DHX16: variants seen among roughly 807,000 people sequenced by gnomAD.
DHX16 encodes the protein pre-mRNA-splicing factor ATP-dependent RNA helicase DHX16.
In DHX16, 81 loss-of-function variants were observed where a neutral mutation model predicts 131.2. That is an observed-to-expected ratio of 0.62 (90% CI 0.52 to 0.74). DHX16 has a LOEUF of 0.74. DHX16 is among the 30% of genes least tolerant of loss of function. DHX16 has a pLI of 0.00. For synonymous variants in DHX16, 440 were observed against 520.2 expected, an observed-to-expected ratio of 0.85 and a Z score of 2.10; for missense variants, 980 against 1,363.1, an observed-to-expected ratio of 0.72 and a Z score of 4.43.
chr6:30,662,546 G>T lies in DHX16; in HGVS notation c.1544+81C>A. 1.6e-6 allele frequency: 2 copies of T among 1,215,994 alleles called. No individual in the cohort carries two copies. Among genetic ancestry groups the T allele is most frequent in the Non-Finnish European group, 2.4e-6 (2 of 832,144 alleles). 75.3% of individuals were successfully genotyped at this position (1,215,994 alleles called of 1,614,324 possible). ...GACCATTTGAACCACAAAGATTCAA[G>T]AACGGGTGGATTAATCAGAAGACAA... On this transcript the variant is annotated intron_variant, in intron 9 of 19. Transcript: ENST00000376442. The surrounding 1 kb of genome is among the most constrained non-coding windows in gnomAD (Gnocchi z 4.7).
chr6:30,670,610 A>C lies in DHX16; in HGVS notation c.610-144T>G, dbSNP rs983420275. ...CTCAGTGAGGAATCTCTCTGATTGC[A>C]GGTACAGCAGACAGTTGTCTTAGCC... On this transcript the variant is annotated intron_variant, in intron 3 of 19. Coordinates refer to ENST00000376442, the MANE Select transcript of DHX16 (RefSeq NM_003587.5). This position sits in a 1 kb window ranked among gnomAD's most constrained non-coding sequence, Gnocchi z 4.4. The C allele has an allele frequency of 2.9e-5, 35 of 1,195,670 alleles. No homozygotes were observed. In the East Asian group the frequency reaches 8.7e-4, roughly 30 times the overall value. 74.1% of individuals were successfully genotyped at this position (1,195,670 alleles called of 1,614,324 possible).
At chr6:30,658,542 CA>C (rs538072025) in intron 12 of DHX16, among the ~76,000 whole-genome samples, 11,815 of 82,068 alleles carry the variant, frequency 0.14, 646 homozygotes, top group Non-Finnish European at 0.21. Context: ...GACTCCATCT[CA>C]AAAAAAAAAA....
chr6:30,667,100 G>GA (rs1472260665), intron 4 of DHX16, among the ~76,000 whole-genome samples: 1 of 151,812 alleles, frequency 6.6e-6, no homozygotes, highest in Admixed American at 6.6e-5. Flanking sequence ...AAAAACAAGG[G>GA]AAAAAAATCT....
chr6:30,660,532 C>T (rs1193661675), intron 9 of DHX16: 2 of 358,048 alleles, frequency 5.6e-6, no homozygotes, highest in Non-Finnish European at 1.0e-5. Flanking sequence ...CCCTCTAGTT[C>T]AGTCAAGAGT....
Position 30,653,308 on chromosome 6 carries a change from C to G in DHX16, c.3060G>C (p.Glu1020Asp). The change falls in exon 20 of 20, where the codon GAG becomes GAC. Residue 1020 changes from glutamate to aspartate, a missense_variant. Physicochemically the swap from Glu to Asp is conservative, Grantham distance 45 (BLOSUM62 2). Coordinates refer to ENST00000376442, the MANE Select transcript of DHX16 (RefSeq NM_003587.5). The stretch of plus-strand genomic sequence containing the variant: ...TTTTCTTAGCATGGGGATCTTCTAG[C>G]TCCTTGGCCTTATAATAATGGGGAG... Reference protein sequence around the residue: ...EVAPHYYKAKELEDPHAKKMP... With the variant: ...EVAPHYYKAKDLEDPHAKKMP... 6.2e-7 allele frequency: 1 copy of G among 1,612,988 alleles called. No homozygotes were observed. Among genetic ancestry groups the G allele is most frequent in the Non-Finnish European group, 8.5e-7 (1 of 1,179,996 alleles).
rs2127586901 is a variant in DHX16 at position 30,662,824 on chromosome 6, C to T, written c.1429-82G>A. 1 of 1,549,946 alleles carries T rather than the reference C, an allele frequency of 6.5e-7. No homozygotes were observed. The highest frequency in any genetic ancestry group is 8.9e-7 in the Non-Finnish European group (1 of 1,124,756). ...TGGGGAAAGGTGAAGTGGGGCAGCA[C>T]CAAGACTTCTGCTGTAGGGACCTGA... On this transcript the variant is annotated intron_variant, in intron 8 of 19. Coordinates refer to ENST00000376442, the MANE Select transcript of DHX16 (RefSeq NM_003587.5). The surrounding 1 kb of genome is among the most constrained non-coding windows in gnomAD (Gnocchi z 4.7).
In DHX16 at chr6:30,665,995, T is replaced by C. The variant is rs922414336; in HGVS notation, c.667-262A>G. On this transcript the variant is annotated intron_variant, in intron 4 of 19. Transcript: ENST00000376442. This position sits in a 1 kb window ranked among gnomAD's most constrained non-coding sequence, Gnocchi z 4.8. ...TCCTCTTAGGCAGCATTATCATCTT[T>C]GTTAATATAGATGCACTAGGGAGAT... is the stretch of plus-strand genomic sequence containing the variant. Among the ~76,000 whole-genome samples, 1 of 152,204 alleles carries C rather than the reference T, an allele frequency of 6.6e-6. No homozygotes were observed. Among genetic ancestry groups the C allele is most frequent in the African/African-American group, 2.4e-5 (1 of 41,464 alleles).
intron 7 of DHX16, among the ~76,000 whole-genome samples, chr6:30,664,276 G>A (rs1246475764): frequency 6.6e-6 from 1 of 151,860 alleles, no homozygotes; most frequent in African/African-American, 2.4e-5. Context: ...TTGAGGTCAG[G>A]AGTTCGAGAG....
chr6:30,670,720 G>A lies in DHX16; in HGVS notation c.609+70C>T, dbSNP rs149351683. ...TGTCTTCCCAGAGATCACTATCTCTGCACTCACAGCCAACCTCAGATTTCA... is the reference window on the plus strand; with the variant it reads ...TGTCTTCCCAGAGATCACTATCTCTACACTCACAGCCAACCTCAGATTTCA... On this transcript the variant is annotated intron_variant, in intron 3 of 19. Coordinates refer to ENST00000376442, the MANE Select transcript of DHX16 (RefSeq NM_003587.5). This position sits in a 1 kb window ranked among gnomAD's most constrained non-coding sequence, Gnocchi z 4.4. 5.8e-3 allele frequency: 9,299 copies of A among 1,590,966 alleles called. 133 individuals carry two copies. Among genetic ancestry groups the A allele is most frequent in the South Asian group, 0.038 (3,409 of 90,034 alleles).
rs374906048 is a variant in DHX16 at position 30,654,919 on chromosome 6, G to A, written c.2824-40C>T. ...GGAAAGAAAATCAATGGAAAAGGCA[G>A]ACATCTGGGGACCCTAAGAATGCAC... On this transcript the variant is annotated intron_variant, in intron 18 of 19. Transcript: ENST00000376442. 223 of 1,581,906 alleles carry A rather than the reference G, an allele frequency of 1.4e-4. 1 individual carries two copies. The highest frequency in any genetic ancestry group is 1.3e-3 in the Middle Eastern group (8 of 5,974).
chr6:30,665,480 T>C lies in DHX16; in HGVS notation c.920A>G (p.Gln307Arg). The change falls in exon 5 of 20, where the codon CAG becomes CGG. Residue 307 changes from glutamine to arginine, a missense_variant and splice_region_variant. Physicochemically the swap from Gln to Arg is conservative, Grantham distance 43. Coordinates refer to ENST00000376442, the MANE Select transcript of DHX16 (RefSeq NM_003587.5). The surrounding 1 kb of genome is among the most constrained non-coding windows in gnomAD (Gnocchi z 4.8). ...RYHMPKETRG[Q>R]PARAVDLVEE... ...GAAGCAGACGCCGCTTCACCTCACC[T>C]GTCCTCGGGTTTCCTTGGGCATGTG... 1 of 1,612,076 alleles carries C rather than the reference T, an allele frequency of 6.2e-7. No individual in the cohort carries two copies. The highest frequency in any genetic ancestry group is 8.5e-7 in the Non-Finnish European group (1 of 1,179,302).
In DHX16 at chr6:30,670,977, T is replaced by C. The variant is rs1393702443; in HGVS notation, c.447-25A>G. 1 of 1,612,960 alleles carries C rather than the reference T, an allele frequency of 6.2e-7. No individual in the cohort carries two copies. Among genetic ancestry groups the C allele is most frequent in the Non-Finnish European group, 8.5e-7 (1 of 1,180,002 alleles). On this transcript the variant is annotated intron_variant, in intron 2 of 19. Coordinates refer to ENST00000376442, the MANE Select transcript of DHX16 (RefSeq NM_003587.5). The surrounding 1 kb of genome is among the most constrained non-coding windows in gnomAD (Gnocchi z 4.4). ...CCTGCAGCCCATCCAGGGGATTAAA[T>C]AAGGGCATAGAGAACACTTCAGCCT...
Position 30,656,989 on chromosome 6 carries a change from G to A in DHX16, c.2111C>T (p.Thr704Ile). Residue 704 changes from threonine to isoleucine, a missense_variant, in exon 13 of 20, where the codon ACA becomes ATA. By Grantham distance (89) the Thr-to-Ile change is moderately conservative. Coordinates refer to ENST00000376442, the MANE Select transcript of DHX16 (RefSeq NM_003587.5). This position sits in a 1 kb window ranked among gnomAD's most constrained non-coding sequence, Gnocchi z 5.1. ...FCKQKSYNPR[T>I]GMESLTVTPC... ...TGTGACAGTGAGCGATTCCATGCCTGTGCGGGGGTTGTAGCTCTTCTGCTT... is the reference window on the plus strand; with the variant it reads ...TGTGACAGTGAGCGATTCCATGCCTATGCGGGGGTTGTAGCTCTTCTGCTT... 6.2e-7 allele frequency: 1 copy of A among 1,613,038 alleles called. No homozygotes were observed. Among genetic ancestry groups the A allele is most frequent in the Non-Finnish European group, 8.5e-7 (1 of 1,180,014 alleles).
Position 30,664,800 on chromosome 6 carries a change from C to T in DHX16, c.1317+1G>A, listed in dbSNP as rs976343430. 1 of 1,609,322 alleles carries T rather than the reference C, an allele frequency of 6.2e-7. No individual in the cohort carries two copies. Among genetic ancestry groups the T allele is most frequent in the Non-Finnish European group, 8.5e-7 (1 of 1,176,970 alleles). On this transcript the variant is annotated splice_donor_variant, in intron 7 of 19. Coordinates refer to ENST00000376442, the MANE Select transcript of DHX16 (RefSeq NM_003587.5). LOFTEE classifies it high-confidence loss of function. The stretch of plus-strand genomic sequence containing the variant: ...CAAGCTGAAGGGTGAGATGACTGTA[C>T]CTCCTCAAAGAGATACTGCGGGATC...
intron 19 of DHX16, 90 bp downstream of exon 19, chr6:30,654,616 C>A: frequency 7.6e-7 from 1 of 1,309,206 alleles, no homozygotes; most frequent in South Asian, 1.5e-5. Flanking sequence ...CTGTACCAGT[C>A]CCAGCAACTT....
chr6:30,653,299 A>G lies in DHX16; in HGVS notation c.3069T>C (p.Asp1023=). The G allele has an allele frequency of 6.2e-7, 1 of 1,612,764 alleles. No homozygotes were observed. The highest frequency in any genetic ancestry group is 8.5e-7 in the Non-Finnish European group (1 of 1,179,986). Residue 1023 remains aspartate, a synonymous_variant, in exon 20 of 20, where the codon GAT becomes GAC. Transcript: ENST00000376442. The part of the protein sequence containing the change: ...PHYYKAKELE[D]PHAKKMPKKI... ...TTTTGGGCATTTTCTTAGCATGGGG[A>G]TCTTCTAGCTCCTTGGCCTTATAAT... is the stretch of plus-strand genomic sequence containing the variant.
At position 30,670,079 on chromosome 6, in the gene DHX16, A is replaced by C. The variant is rs58793483; in HGVS notation, c.666+331T>G. ...CTTGCCCTCCAGCAACCTTCTTGAC[A>C]ACATTCCAGCTGCCTCATATCTCAT... is the stretch of plus-strand genomic sequence containing the variant. On this transcript the variant is annotated intron_variant, in intron 4 of 19. Coordinates refer to ENST00000376442, the MANE Select transcript of DHX16 (RefSeq NM_003587.5). This position sits in a 1 kb window ranked among gnomAD's most constrained non-coding sequence, Gnocchi z 4.4. Among the ~76,000 whole-genome samples, 2,855 of 152,278 alleles carry C rather than the reference A, an allele frequency of 0.019. 78 individuals carry two copies. Among genetic ancestry groups the C allele is most frequent in the African/African-American group, 0.056 (2,324 of 41,548 alleles).
At position 30,656,092 on chromosome 6, in the gene DHX16, A is replaced by T; in HGVS notation, c.2498+106T>A. 1 of 1,096,474 alleles carries T rather than the reference A, an allele frequency of 9.1e-7. No individual in the cohort carries two copies. Among genetic ancestry groups the T allele is most frequent in the Non-Finnish European group, 1.4e-6 (1 of 726,192 alleles). 67.9% of individuals were successfully genotyped at this position (1,096,474 alleles called of 1,614,324 possible). A position where few individuals can be genotyped will look rare whatever the true frequency, so the allele number is the denominator to read the frequency against. ...GTTATCTAATACTTTATTATGTGTT[A>T]AGGGATAGTATGATGAACAGAAAAA... On this transcript the variant is annotated intron_variant, in intron 16 of 19. Coordinates refer to ENST00000376442, the MANE Select transcript of DHX16 (RefSeq NM_003587.5). The surrounding 1 kb of genome is among the most constrained non-coding windows in gnomAD (Gnocchi z 5.1).
chr6:30,654,788 G>C lies in DHX16; in HGVS notation c.2915C>G (p.Pro972Arg). The change falls in exon 19 of 20, where the codon CCC becomes CGC. Residue 972 changes from proline to arginine, a missense_variant. Physicochemically the swap from Pro to Arg is moderately radical, Grantham distance 103. Coordinates refer to ENST00000376442, the MANE Select transcript of DHX16 (RefSeq NM_003587.5). ...CTGTTGCTCAAAGAGGGAGGAGTTGGGATGAATGAAGACTGTCTGCTGCTG... is the reference window on the plus strand; with the variant it reads ...CTGTTGCTCAAAGAGGGAGGAGTTGCGATGAATGAAGACTGTCTGCTGCTG... ...VKQQQTVFIH[P>R]NSSLFEQQPR... 2 of 1,613,066 alleles carry C rather than the reference G, an allele frequency of 1.2e-6. No homozygotes were observed. Among genetic ancestry groups the C allele is most frequent in the Non-Finnish European group, 1.7e-6 (2 of 1,180,030 alleles).
Sources: allele counts gnomAD v4.1 joint callset (sites outside exome capture counted in the v4.1 genomes callset), GRCh38; gene constraint gnomAD v4.1.1; non-coding constraint Gnocchi (gnomAD v3.1); transcripts MANE v1.5; gene names NCBI Gene and HGNC (gene_info 2026-07-23, HGNC 2026-07-21).